ARHGEF33: variants seen among roughly 807,000 people sequenced by gnomAD.
ARHGEF33 encodes Rho guanine nucleotide exchange factor 33, also known as DH and coiled-coil domain-containing protein ENSP00000381780.
A neutral mutation model predicts 101.9 loss-of-function variants in ARHGEF33; 72 were observed. That is an observed-to-expected ratio of 0.71 (90% CI 0.58 to 0.86). ARHGEF33 has a LOEUF of 0.86. ARHGEF33 is among the 40% of genes least tolerant of loss of function. The pLI is 0.00. For synonymous variants in ARHGEF33, 499 were observed against 442.5 expected (o/e 1.13, Z -1.60); for missense variants, 1,169 against 1,111.3 (o/e 1.05, Z -0.74).
intron 11 of ARHGEF33, among the ~76,000 whole-genome samples, chr2:38,952,682 C>T (rs1003263469): frequency 6.6e-6 from 1 of 151,960 alleles, no homozygotes; most frequent in African/African-American, 2.4e-5. Flanking sequence ...TACCTTAAAA[C>T]CAAAATTTTT....
chr2:38,903,359 A>T (rs1267241402), intron 2 of ARHGEF33, among the ~76,000 whole-genome samples: 1 of 152,190 alleles, frequency 6.6e-6, no homozygotes. Context: ...TAAAAAATGT[A>T]TAGGAAGAAG....
chr2:38,921,953 C>G (rs966917993), intron 4 of ARHGEF33, among the ~76,000 whole-genome samples: 8 of 152,100 alleles, frequency 5.3e-5, no homozygotes, highest in Non-Finnish European at 1.2e-4. Flanking sequence ...GTTCAAATAT[C>G]TGTACAGGAA....
At chr2:38,890,981 T>TTC (rs397759110) in intron 1 of ARHGEF33, among the ~76,000 whole-genome samples, 1 of 150,894 alleles carries the variant, frequency 6.6e-6, no homozygotes, top group Non-Finnish European at 1.5e-5. Context: ...TTTTTTTTTT[T>TTC]CTTTTTTCTT....
chr2:38,932,443 T>G (rs538736573), intron 7 of ARHGEF33, among the ~76,000 whole-genome samples: 603 of 60,142 alleles, frequency 0.01, 5 homozygotes, highest in African/African-American at 0.091. Context: ...TTTATTTTTA[T>G]TTTTTTTTTA....
intron 2 of ARHGEF33, among the ~76,000 whole-genome samples, chr2:38,910,575 A>C (rs1254172267): frequency 2.0e-5 from 3 of 152,248 alleles, no homozygotes; most frequent in African/African-American, 7.2e-5. Flanking sequence ...ATCTCTACAA[A>C]AAAAGAAAAA....
chr2:38,893,623 T>G (rs1481121769), intron 1 of ARHGEF33, among the ~76,000 whole-genome samples: 5 of 152,238 alleles, frequency 3.3e-5, no homozygotes, highest in Non-Finnish European at 2.9e-5. Context: ...CAATCCATTA[T>G]ATGTTACAGT....
At chr2:38,972,008 C>G in intron 17 of ARHGEF33, 1 of 712,026 alleles carries the variant, frequency 1.4e-6, no homozygotes, top group South Asian at 1.5e-5. Flanking sequence ...TTGGATAGAC[C>G]AGATGTAGCT....
chr2:38,958,843 G>A (rs980859469), intron 15 of ARHGEF33, among the ~76,000 whole-genome samples: 1 of 152,028 alleles, frequency 6.6e-6, no homozygotes, highest in Non-Finnish European at 1.5e-5. Flanking sequence ...CACCATGCCC[G>A]GCTAATTTTT....
chr2:38,946,615 G>A (rs1365654732), intron 10 of ARHGEF33, among the ~76,000 whole-genome samples: 1 of 151,910 alleles, frequency 6.6e-6, no homozygotes, highest in Non-Finnish European at 1.5e-5. Flanking sequence ...AAACCTCTGT[G>A]TGTACTTTAT....
In ARHGEF33 at chr2:38,972,078, C is replaced by T. The variant is rs77395832; in HGVS notation, c.2484-1636C>T. 68 of 664,314 alleles carry T rather than the reference C, an allele frequency of 1.0e-4. 1 individual carries two copies. In the East Asian group the frequency reaches 1.8e-3, roughly 18 times the overall value. The allele number at this position is 664,314 out of a possible 1,614,324, so 41.2% of individuals were successfully genotyped here. On this transcript the variant is annotated intron_variant, in intron 17 of 17. Transcript: ENST00000409978. Reference sequence around the variant, plus strand: ...TGAGTAATGACTTTCTGATGAGAAACTGTCCTGTGGGGGAACAAGAAGAAA... The same window carrying T: ...TGAGTAATGACTTTCTGATGAGAAATTGTCCTGTGGGGGAACAAGAAGAAA...
At position 38,960,466 on chromosome 2, in the gene ARHGEF33, G is replaced by A. The variant is rs1198870910; in HGVS notation, c.2161G>A (p.Val721Met). The A allele has an allele frequency of 4.7e-6, 7 of 1,492,990 alleles. No individual in the cohort carries two copies. Among genetic ancestry groups the A allele is most frequent in the Non-Finnish European group, 6.2e-6 (7 of 1,127,702 alleles). The allele number at this position is 1,492,990 out of a possible 1,614,324, so 92.5% of individuals were successfully genotyped here. A position where few individuals can be genotyped will look rare whatever the true frequency, so the allele number is the denominator to read the frequency against. The change falls in exon 16 of 18, where the codon GTG becomes ATG. Residue 721 changes from valine to methionine, a missense_variant. Val to Met is a conservative substitution (Grantham distance 21). Coordinates refer to ENST00000409978, the MANE Select transcript of ARHGEF33 (RefSeq NM_001145451.5). ...CCCGCGTGCGCCGCCAGCCGACGGC[G>A]TGGCCCCACGCCTCTACAGCACGCG... Reference protein sequence around the residue: ...EFPRAPPADGVAPRLYSTRSS... With the variant: ...EFPRAPPADGMAPRLYSTRSS...
intron 11 of ARHGEF33, among the ~76,000 whole-genome samples, chr2:38,951,628 C>T (rs1008404864): frequency 1.7e-4 from 26 of 151,040 alleles, no homozygotes; most frequent in African/African-American, 5.1e-4. Context: ...AGTATATATA[C>T]ATTAAAACAT....
intron 4 of ARHGEF33, among the ~76,000 whole-genome samples, chr2:38,925,876 G>T (rs938419627): frequency 6.6e-6 from 1 of 152,030 alleles, no homozygotes; most frequent in African/African-American, 2.4e-5. Flanking sequence ...CCTGGGTAAT[G>T]TGGCAAAAAG....
intron 11 of ARHGEF33, among the ~76,000 whole-genome samples, chr2:38,951,529 G>A (rs758544464): frequency 6.6e-6 from 1 of 152,028 alleles, no homozygotes; most frequent in African/African-American, 2.4e-5. Context: ...CACTTTGGGA[G>A]GCTGAAGCAG....
At position 38,960,598 on chromosome 2, in the gene ARHGEF33, C is replaced by T; in HGVS notation, c.2293C>T (p.Pro765Ser). 1.4e-6 allele frequency: 2 copies of T among 1,412,844 alleles called. No homozygotes were observed. Among genetic ancestry groups the T allele is most frequent in the Non-Finnish European group, 1.9e-6 (2 of 1,068,556 alleles). 87.5% of individuals were successfully genotyped at this position (1,412,844 alleles called of 1,614,324 possible). ...AARGASRTFF[P>S]QQRSQSEKQT... ...CCGCGGCGCATCCAGGACCTTCTTC[C>T]CCCAACAGAGGTCCCAAAGCGAAAA... Residue 765 changes from proline (P) to serine (S), a missense_variant, in exon 16 of 18, where the codon CCC becomes TCC. Physicochemically the swap from Pro to Ser is moderately conservative, Grantham distance 74. Coordinates refer to ENST00000409978, the MANE Select transcript of ARHGEF33 (RefSeq NM_001145451.5).
intron 10 of ARHGEF33, among the ~76,000 whole-genome samples, chr2:38,946,800 A>AT (rs1199665704): frequency 6.6e-6 from 1 of 151,948 alleles, no homozygotes; most frequent in Non-Finnish European, 1.5e-5. Context: ...TAATTTTTAT[A>AT]TTTTTAGTAG....
chr2:38,940,044 T>C (rs1262463870), intron 9 of ARHGEF33, among the ~76,000 whole-genome samples: 1 of 152,238 alleles, frequency 6.6e-6, no homozygotes, highest in Non-Finnish European at 1.5e-5. Flanking sequence ...TTCAGCATCA[T>C]TAATTGAAAA....
Position 38,974,350 on chromosome 2 carries a change from T to C in ARHGEF33, c.*507T>C, listed in dbSNP as rs1050092584. 2.0e-5 allele frequency: 3 copies of C among 152,218 alleles called. No homozygotes were observed. The highest frequency in any genetic ancestry group is 4.4e-5 in the Non-Finnish European group (3 of 68,048). 9.4% of individuals were successfully genotyped at this position (152,218 alleles called of 1,614,324 possible). On this transcript the variant is annotated 3_prime_UTR_variant, in exon 18 of 18. Coordinates refer to ENST00000409978, the MANE Select transcript of ARHGEF33 (RefSeq NM_001145451.5). Reference sequence around the variant, plus strand: ...ACCCTAAGGCAATATCTAACATCCCTTAAGGCAAAGGATTAATTAACAGAA... The same window carrying C: ...ACCCTAAGGCAATATCTAACATCCCCTAAGGCAAAGGATTAATTAACAGAA...
chr2:38,956,919 G>C lies in ARHGEF33; in HGVS notation c.1242G>C (p.Glu414Asp), dbSNP rs149912063. The change falls in exon 14 of 18, where the codon GAG (glutamate) becomes GAC (aspartate). Residue 414 changes from glutamate (E) to aspartate (D), a missense_variant. Glu to Asp is a conservative substitution (Grantham distance 45, BLOSUM62 2). Coordinates refer to ENST00000409978, the MANE Select transcript of ARHGEF33 (RefSeq NM_001145451.5). ...TCCAGAACGTCCTGAAGTTCACAGA[G>C]CAGGAGCACCCTGACTATTATCTAC... is the stretch of plus-strand genomic sequence containing the variant. ...IHLQNVLKFT[E>D]QEHPDYYLLL... 233 of 1,552,366 alleles carry C rather than the reference G, an allele frequency of 1.5e-4. No individual in the cohort carries two copies. In the African/African-American group the frequency reaches 2.6e-3, roughly 17 times the overall value.
Sources: allele counts gnomAD v4.1 joint callset (sites outside exome capture counted in the v4.1 genomes callset), GRCh38; gene constraint gnomAD v4.1.1; transcripts MANE v1.5; gene names NCBI Gene and HGNC (gene_info 2026-07-23, HGNC 2026-07-21).